NRG3: variants seen among roughly 807,000 people sequenced by gnomAD.
NRG3 encodes neuregulin 3, also known as pro-neuregulin-3, membrane-bound isoform.
NRG3 carries 31 observed loss-of-function variants against 66.9 expected under a neutral mutation model. The ratio of observed to expected loss-of-function variants is 0.46; its 90% CI spans 0.35 to 0.63. The LOEUF (loss-of-function observed/expected upper bound fraction) is 0.63. Among genes scored for constraint, NRG3 ranks in the 20% least tolerant of loss-of-function variants. The probability of loss-of-function intolerance (pLI) is 0.00; values close to 1 mark genes in which losing one functional copy is unlikely to be tolerated. For missense variants in NRG3, 910 were observed against 878.9 expected, an observed-to-expected ratio of 1.04 and a Z score of -0.45; for synonymous variants, 393 against 359.4, an observed-to-expected ratio of 1.09 and a Z score of -1.06.
At chr10:82,965,947 C>T (rs556161421) in intron 6 of NRG3, among the ~76,000 whole-genome samples, 1 of 152,076 alleles carries the variant, frequency 6.6e-6, no homozygotes, top group South Asian at 2.1e-4. Context: ...TTGTTTATTT[C>T]GATGTGTACT....
chr10:82,092,724 C>T (rs1350415924), intron 1 of NRG3, among the ~76,000 whole-genome samples: 1 of 152,074 alleles, frequency 6.6e-6, no homozygotes, highest in Admixed American at 6.6e-5. Context: ...TGTCTTTCTT[C>T]CAGTATATTA....
In NRG3 at chr10:82,126,621, C is replaced by A. The variant is rs932751999; in HGVS notation, c.824-232118C>A. Among the ~76,000 whole-genome samples the A allele has an allele frequency of 1.2e-4, 19 of 152,098 alleles. 1 individual carries two copies. Among genetic ancestry groups the A allele is most frequent in the Admixed American group, 1.1e-3 (17 of 15,252 alleles). On this transcript the variant is annotated intron_variant, in intron 1 of 8. Transcript: ENST00000372141. ...AAATATTCCTTGATGCCAGAAAGAC[C>A]AAAGAATTAATTTCTCCTTTGGCCG...
intron 2 of NRG3, among the ~76,000 whole-genome samples, chr10:82,591,920 G>A (rs2047006688): frequency 6.6e-6 from 1 of 152,162 alleles, no homozygotes; most frequent in South Asian, 2.1e-4. Flanking sequence ...TGTTTCTTTA[G>A]CTTTGATCCC....
intron 2 of NRG3, among the ~76,000 whole-genome samples, chr10:82,480,068 A>C (rs895815283): frequency 3.9e-5 from 6 of 152,256 alleles, no homozygotes; most frequent in Admixed American, 6.5e-5. Context: ...TTTGAGGTTC[A>C]TCTGCTATGA....
chr10:82,202,820 G>C (rs971868882), intron 1 of NRG3, among the ~76,000 whole-genome samples: 1 of 152,164 alleles, frequency 6.6e-6, no homozygotes, highest in South Asian at 2.1e-4. Flanking sequence ...TAAAAGGAGG[G>C]ACGTGGGAAG....
intron 8 of NRG3, among the ~76,000 whole-genome samples, chr10:82,981,284 T>C (rs1852865231): frequency 6.6e-6 from 1 of 152,222 alleles, no homozygotes; most frequent in Non-Finnish European, 1.5e-5. Context: ...GTTGGAATAT[T>C]CTCTCCAGTT....
intron 2 of NRG3, among the ~76,000 whole-genome samples, chr10:82,556,320 T>A (rs2044647779): frequency 6.6e-6 from 1 of 152,152 alleles, no homozygotes; most frequent in Non-Finnish European, 1.5e-5. Context: ...ATCTTAGACA[T>A]GGTGAAGATG....
intron 4 of NRG3, among the ~76,000 whole-genome samples, chr10:82,896,997 G>A (rs1039928180): frequency 6.6e-6 from 1 of 152,212 alleles, no homozygotes; most frequent in Non-Finnish European, 1.5e-5. Flanking sequence ...GCTCATGAGA[G>A]AAGAAATTCG....
intron 1 of NRG3, among the ~76,000 whole-genome samples, chr10:81,876,429 G>C (rs910392521): frequency 6.6e-6 from 1 of 152,144 alleles, no homozygotes; most frequent in Non-Finnish European, 1.5e-5. Context: ...AGTGAGAACA[G>C]ATCTCCCAAC....
intron 1 of NRG3, among the ~76,000 whole-genome samples, chr10:81,930,948 A>G (rs1353205943): frequency 6.6e-6 from 1 of 152,108 alleles, no homozygotes; most frequent in East Asian, 1.9e-4. Context: ...CGGTTTGTAA[A>G]AAACAGGCTG....
intron 2 of NRG3, among the ~76,000 whole-genome samples, chr10:82,382,510 A>G (rs76884169): frequency 0.018 from 2,700 of 151,988 alleles, 35 homozygotes; most frequent in Non-Finnish European, 0.028. Flanking sequence ...TGTACTAAAC[A>G]TTTTTGTTAG....
chr10:82,608,746 G>A (rs1011147976), intron 2 of NRG3, among the ~76,000 whole-genome samples: 3 of 152,070 alleles, frequency 2.0e-5, no homozygotes, highest in South Asian at 4.1e-4. Flanking sequence ...TTAGGCTCTG[G>A]TAAAATAGTT....
chr10:82,081,826 T>G (rs1213061336), intron 1 of NRG3, among the ~76,000 whole-genome samples: 1 of 152,146 alleles, frequency 6.6e-6, no homozygotes, highest in Non-Finnish European at 1.5e-5. Flanking sequence ...AGGAATGGCT[T>G]TACTGATTTG....
At chr10:82,225,871 T>C (rs1017188278) in intron 1 of NRG3, among the ~76,000 whole-genome samples, 2 of 152,184 alleles carry the variant, frequency 1.3e-5, no homozygotes, top group African/African-American at 4.8e-5. Context: ...TTTAGTGTTT[T>C]GTTGAAGTAT....
At chr10:82,761,101 A>G (rs1160541664) in intron 3 of NRG3, among the ~76,000 whole-genome samples, 1 of 151,944 alleles carries the variant, frequency 6.6e-6, no homozygotes, top group East Asian at 1.9e-4. Context: ...ATTATAAAAA[A>G]AACTCTAAAA....
At chr10:81,890,386 G>A (rs1842923203) in intron 1 of NRG3, among the ~76,000 whole-genome samples, 1 of 152,158 alleles carries the variant, frequency 6.6e-6, no homozygotes, top group Non-Finnish European at 1.5e-5. Context: ...ATTTTGTGAT[G>A]CTAGGAAACA....
chr10:81,964,744 C>CT (rs1442472579), intron 1 of NRG3, among the ~76,000 whole-genome samples: 6 of 152,052 alleles, frequency 3.9e-5, no homozygotes, highest in Admixed American at 6.6e-5. Context: ...TCAATGATGG[C>CT]TTTTTTTAAT....
chr10:82,199,765 G>A (rs560111865), intron 1 of NRG3, among the ~76,000 whole-genome samples: 1 of 152,164 alleles, frequency 6.6e-6, no homozygotes, highest in South Asian at 2.1e-4. Context: ...TACACTTGGT[G>A]CCTACAATAT....
intron 1 of NRG3, among the ~76,000 whole-genome samples, chr10:82,116,171 T>A (rs549325387): frequency 2.0e-5 from 3 of 152,150 alleles, no homozygotes; most frequent in African/African-American, 7.2e-5. Context: ...CCAAAAAAAA[T>A]TTTTTTAGTA....
Sources: allele counts gnomAD v4.1 joint callset (sites outside exome capture counted in the v4.1 genomes callset), GRCh38; gene constraint gnomAD v4.1.1; transcripts MANE v1.5; gene names NCBI Gene and HGNC (gene_info 2026-07-23, HGNC 2026-07-21).